Variants in PTPRM observed in about 807,000 individuals in gnomAD.
PTPRM encodes the protein protein tyrosine phosphatase receptor type M.
A neutral mutation model predicts 186.7 loss-of-function variants in PTPRM; 47 were observed. The ratio of observed to expected loss-of-function variants is 0.25; its 90% CI spans 0.20 to 0.32. The LOEUF (loss-of-function observed/expected upper bound fraction) is 0.32. PTPRM is among the 10% of genes least tolerant of loss of function. PTPRM has a pLI of 1.00. For missense variants in PTPRM, 1,494 were observed against 1,865.0 expected, an observed-to-expected ratio of 0.80 and a Z score of 3.66; for synonymous variants, 668 against 674.9, an observed-to-expected ratio of 0.99 and a Z score of 0.16.
At chr18:8,119,713 G>C (rs593339) in intron 13 of PTPRM, among the ~76,000 whole-genome samples, 74,151 of 151,926 alleles carry the variant, frequency 0.49, 19,576 homozygotes, top group African/African-American at 0.69. Flanking sequence ...AAGGAACACT[G>C]GAGTCATGCA....
chr18:8,393,441 A>G (rs1295989876), intron 31 of PTPRM, among the ~76,000 whole-genome samples: 2 of 152,198 alleles, frequency 1.3e-5, no homozygotes, highest in East Asian at 3.8e-4. Flanking sequence ...GCTCTTCAAA[A>G]GTGTCAAGGT....
chr18:8,331,659 T>A (rs2095412982), intron 22 of PTPRM, among the ~76,000 whole-genome samples: 1 of 152,230 alleles, frequency 6.6e-6, no homozygotes, highest in Non-Finnish European at 1.5e-5. Context: ...ATAGTTTTCA[T>A]GAAAGCTGAT....
In PTPRM at chr18:8,116,512, C is replaced by T. The variant is rs1000983326; in HGVS notation, c.2167+1685C>T. Among the ~76,000 whole-genome samples, 10 of 152,326 alleles carry T rather than the reference C, an allele frequency of 6.6e-5. No individual in the cohort carries two copies. In the East Asian group the frequency reaches 1.9e-3, roughly 29 times the overall value. Reference sequence around the variant, plus strand: ...AGCCCCAGTGTTTCTTTCACCATTGCTCATGGCTCGTCACCCAGCAGCACC... The same window carrying T: ...AGCCCCAGTGTTTCTTTCACCATTGTTCATGGCTCGTCACCCAGCAGCACC... On this transcript the variant is annotated intron_variant, in intron 13 of 32. Transcript: ENST00000580170.
At chr18:8,114,030 A>G (rs542411554) in intron 12 of PTPRM, among the ~76,000 whole-genome samples, 1 of 151,830 alleles carries the variant, frequency 6.6e-6, no homozygotes, top group East Asian at 1.9e-4. Flanking sequence ...TTGGCTGGCA[A>G]TTCTGCTTAG....
At chr18:8,122,630 G>C (rs979347291) in intron 13 of PTPRM, among the ~76,000 whole-genome samples, 1 of 152,078 alleles carries the variant, frequency 6.6e-6, no homozygotes, top group Non-Finnish European at 1.5e-5. Context: ...CATCAAACAG[G>C]GTTTCCAACA....
chr18:7,719,731 A>G (rs2040411640), intron 1 of PTPRM, among the ~76,000 whole-genome samples: 1 of 152,186 alleles, frequency 6.6e-6, no homozygotes, highest in African/African-American at 2.4e-5. Flanking sequence ...GTTTAATATT[A>G]CATTGGAGAT....
intron 14 of PTPRM, among the ~76,000 whole-genome samples, chr18:8,227,645 A>C (rs1386051237): frequency 6.6e-6 from 1 of 152,218 alleles, no homozygotes; most frequent in African/African-American, 2.4e-5. Context: ...CGAGTTTAAC[A>C]AACATCATCA....
intron 7 of PTPRM, among the ~76,000 whole-genome samples, chr18:7,984,931 A>ATATATACATATATATACATATATAAT (rs1568130703): frequency 1.1e-5 from 1 of 93,164 alleles, no homozygotes; most frequent in Non-Finnish European, 2.1e-5. Flanking sequence ...ACATATATAA[A>ATATATACATATATATACATATATAAT]TATATACATA....
intron 7 of PTPRM, among the ~76,000 whole-genome samples, chr18:8,029,932 G>A (rs1004404871): frequency 6.6e-5 from 10 of 152,194 alleles, no homozygotes; most frequent in Non-Finnish European, 1.3e-4. Context: ...CTGTGATCCA[G>A]TTGCATTCCG....
At chr18:8,140,077 G>T (rs547447505) in intron 13 of PTPRM, among the ~76,000 whole-genome samples, 6 of 152,170 alleles carry the variant, frequency 3.9e-5, no homozygotes, top group Non-Finnish European at 8.8e-5. Flanking sequence ...TTCTGCAGCT[G>T]AGCTGTCCCT....
At chr18:7,744,895 C>G (rs1451889532) in intron 1 of PTPRM, among the ~76,000 whole-genome samples, 1 of 152,168 alleles carries the variant, frequency 6.6e-6, no homozygotes, top group Admixed American at 6.5e-5. Context: ...TCCAGGGGAT[C>G]AGAGTCTGAA....
chr18:7,808,782 G>T (rs2145449096), intron 2 of PTPRM, among the ~76,000 whole-genome samples: 1 of 152,310 alleles, frequency 6.6e-6, no homozygotes, highest in South Asian at 2.1e-4. Flanking sequence ...TGTTAGAATA[G>T]AGAACATTTT....
Position 7,594,687 on chromosome 18 carries a change from A to G in PTPRM, c.73+26796A>G, listed in dbSNP as rs148718990. On this transcript the variant is annotated intron_variant, in intron 1 of 32. Coordinates refer to ENST00000580170, the MANE Select transcript of PTPRM (RefSeq NM_001105244.2). ...CTCTGAGGTTTCCACCCAGGGTTTT[A>G]TGTCAGAAAGTTGGACAACAGAATG... Among the ~76,000 whole-genome samples, 735 of 152,274 alleles carry G rather than the reference A, an allele frequency of 4.8e-3. 6 individuals are homozygous for G. Among genetic ancestry groups the G allele is most frequent in the African/African-American group, 0.017 (687 of 41,562 alleles).
chr18:8,391,733 A>G (rs2095814169), intron 31 of PTPRM, among the ~76,000 whole-genome samples: 1 of 152,210 alleles, frequency 6.6e-6, no homozygotes, highest in Admixed American at 6.5e-5. Context: ...TAGGTATATT[A>G]TACTTTAGTT....
intron 4 of PTPRM, among the ~76,000 whole-genome samples, chr18:7,912,401 TATG>T (rs2050321212): frequency 1.3e-5 from 2 of 152,220 alleles, no homozygotes; most frequent in Admixed American, 6.5e-5. Context: ...CTGCTACAAG[TATG>T]ATACTATTTT....
At chr18:8,008,765 C>T (rs2084341507) in intron 7 of PTPRM, among the ~76,000 whole-genome samples, 1 of 151,992 alleles carries the variant, frequency 6.6e-6, no homozygotes, top group Non-Finnish European at 1.5e-5. Context: ...CACGCACGTG[C>T]TTAGAGATCC....
chr18:7,973,141 C>T (rs998693409), intron 7 of PTPRM, among the ~76,000 whole-genome samples: 7 of 152,114 alleles, frequency 4.6e-5, no homozygotes, highest in African/African-American at 1.7e-4. Context: ...CCCCTCCTCT[C>T]TTGATGGATA....
chr18:7,994,553 C>A (rs556444398), intron 7 of PTPRM, among the ~76,000 whole-genome samples: 9 of 152,150 alleles, frequency 5.9e-5, no homozygotes, highest in Non-Finnish European at 1.0e-4. Context: ...GTGGAATTTT[C>A]TCCAGGTTAC....
chr18:7,922,870 A>C lies in PTPRM; in HGVS notation c.548-3698A>C, dbSNP rs139456595. On this transcript the variant is annotated intron_variant, in intron 4 of 32. Transcript: ENST00000580170. The stretch of plus-strand genomic sequence containing the variant: ...TAGTGGAAACAAACCTCAGTGTTCA[A>C]TAATGGGGGATGTTTCCGTAAACTT... Among the ~76,000 whole-genome samples, 242 of 152,314 alleles carry C rather than the reference A, an allele frequency of 1.6e-3. 1 individual carries two copies. The highest frequency in any genetic ancestry group is 5.3e-3 in the African/African-American group (222 of 41,574).
Sources: allele counts gnomAD v4.1 joint callset (sites outside exome capture counted in the v4.1 genomes callset), GRCh38; gene constraint gnomAD v4.1.1; transcripts MANE v1.5; gene names NCBI Gene and HGNC (gene_info 2026-07-23, HGNC 2026-07-21).